MAN1C1: variants seen among roughly 807,000 people sequenced by gnomAD.
MAN1C1 encodes the protein mannosyl-oligosaccharide 1,2-alpha-mannosidase IC.
MAN1C1 carries 49 observed loss-of-function variants against 71.5 expected under a neutral mutation model. The observed-to-expected ratio is 0.69, with a 90% CI of 0.54 to 0.87. MAN1C1 has a LOEUF of 0.87. Ranked by LOEUF, MAN1C1 falls within the 40% of genes least tolerant of loss-of-function variation. MAN1C1 has a pLI of 0.00. For missense variants in MAN1C1, 743 were observed against 835.0 expected (o/e 0.89, Z 1.36); for synonymous variants, 352 against 343.7 (o/e 1.02, Z -0.27).
chr1:25,675,169 C>T (rs889250044), intron 1 of MAN1C1, among the ~76,000 whole-genome samples: 2 of 152,016 alleles, frequency 1.3e-5, no homozygotes, highest in African/African-American at 4.8e-5. Context: ...CTGAGATTTT[C>T]GTGCACCTGT....
At position 25,725,379 on chromosome 1, in the gene MAN1C1, G is replaced by A. The variant is rs1421403340; in HGVS notation, c.638-21289G>A. Among the ~76,000 whole-genome samples, 2 of 152,232 alleles carry A rather than the reference G, an allele frequency of 1.3e-5. No individual in the cohort carries two copies. Among genetic ancestry groups the A allele is most frequent in the African/African-American group, 4.8e-5 (2 of 41,452 alleles). ...CTCTTCTTAGAGGAGGGATTCACACGTAATTATGTGGTCAAAGTGCTACGG... is the reference window on the plus strand; with the variant it reads ...CTCTTCTTAGAGGAGGGATTCACACATAATTATGTGGTCAAAGTGCTACGG... On this transcript the variant is annotated intron_variant, in intron 2 of 11. Transcript: ENST00000374332. The surrounding 1 kb of genome is among the most constrained non-coding windows in gnomAD (Gnocchi z 4.8).
chr1:25,626,784 C>T (rs1290836514), intron 1 of MAN1C1, among the ~76,000 whole-genome samples: 1 of 152,126 alleles, frequency 6.6e-6, no homozygotes, highest in African/African-American at 2.4e-5. Context: ...ATTCTAGATA[C>T]AAGTTCTTTA....
chr1:25,641,115 G>A (rs1466433110), intron 1 of MAN1C1, among the ~76,000 whole-genome samples: 1 of 152,224 alleles, frequency 6.6e-6, no homozygotes, highest in Non-Finnish European at 1.5e-5. Context: ...CTGCTTTGAA[G>A]GGTAGTCGGG....
At chr1:25,637,347 T>C (rs1345710824) in intron 1 of MAN1C1, among the ~76,000 whole-genome samples, 2 of 152,248 alleles carry the variant, frequency 1.3e-5, no homozygotes, top group East Asian at 3.9e-4. Context: ...ATAGGGACTC[T>C]TTGATTTGGG....
intron 2 of MAN1C1, among the ~76,000 whole-genome samples, chr1:25,741,642 A>G (rs1299825596): frequency 6.6e-6 from 1 of 152,064 alleles, no homozygotes; most frequent in Non-Finnish European, 1.5e-5. Context: ...GGGGAGGTGG[A>G]GGTGCACAGT....
chr1:25,777,875 G>A (rs12134121), intron 8 of MAN1C1, among the ~76,000 whole-genome samples: 3 of 152,148 alleles, frequency 2.0e-5, no homozygotes, highest in Non-Finnish European at 4.4e-5. Context: ...TAAGAGACTT[G>A]CCCTGGGGAG....
chr1:25,729,837 C>T (rs2046886122), intron 2 of MAN1C1, among the ~76,000 whole-genome samples: 1 of 152,130 alleles, frequency 6.6e-6, no homozygotes, highest in Admixed American at 6.6e-5. Flanking sequence ...GATGAGGAAC[C>T]CAGGTCTGTG....
intron 2 of MAN1C1, among the ~76,000 whole-genome samples, chr1:25,709,145 T>A (rs2046568143): frequency 6.6e-6 from 1 of 151,386 alleles, no homozygotes. Flanking sequence ...AGGGAGAGAG[T>A]AGGTTTTCCT....
At chr1:25,618,885 G>C (rs1205567150) in intron 1 of MAN1C1, among the ~76,000 whole-genome samples, 1 of 152,116 alleles carries the variant, frequency 6.6e-6, no homozygotes, top group African/African-American at 2.4e-5. Context: ...AGGATGTTGT[G>C]CATTCTGTTT....
Position 25,617,611 on chromosome 1 carries a change from C to T in MAN1C1, c.-187C>T. On this transcript the variant is annotated 5_prime_UTR_variant, in exon 1 of 12. Transcript: ENST00000374332. This position sits in a 1 kb window ranked among gnomAD's most constrained non-coding sequence, Gnocchi z 5.1. ...AGGCCGCTGCGCCCCCGCCTCCTCG[C>T]GGGAGGACTCGCTCCAAACTCCCTG... The T allele has an allele frequency of 1.9e-6, 1 of 523,062 alleles. No homozygotes were observed. The allele number at this position is 523,062 out of a possible 1,614,324, so 32.4% of individuals were successfully genotyped here.
chr1:25,744,691 C>T (rs2047104689), intron 2 of MAN1C1, among the ~76,000 whole-genome samples: 1 of 152,160 alleles, frequency 6.6e-6, no homozygotes, highest in Admixed American at 6.5e-5. Context: ...CCTTGCCCAG[C>T]CTAGAGAGGT....
chr1:25,763,019 G>A (rs552909811), intron 6 of MAN1C1, among the ~76,000 whole-genome samples: 1 of 152,164 alleles, frequency 6.6e-6, no homozygotes, highest in South Asian at 2.1e-4. Context: ...TATAATCCCA[G>A]CACTTTGGGA....
chr1:25,727,949 GA>G (rs1422331760), intron 2 of MAN1C1, among the ~76,000 whole-genome samples: 1 of 152,242 alleles, frequency 6.6e-6, no homozygotes, highest in Admixed American at 6.5e-5. Context: ...TGCCATGTCT[GA>G]AAAATCAGGC....
At chr1:25,759,801 A>T (rs896516877) in intron 6 of MAN1C1, 19 of 152,178 alleles carry the variant, frequency 1.2e-4, no homozygotes, top group African/African-American at 4.6e-4. Context: ...GTCCTTAAGA[A>T]GCTCAAGAAG....
intron 1 of MAN1C1, among the ~76,000 whole-genome samples, chr1:25,624,998 A>ATTTTTTTTTTT (rs1032269792): frequency 9.8e-6 from 1 of 101,602 alleles, no homozygotes; most frequent in African/African-American, 4.5e-5. Flanking sequence ...AAATGCACAG[A>ATTTTTTTTTTT]TTTTTTTTTT....
intron 1 of MAN1C1, among the ~76,000 whole-genome samples, chr1:25,619,734 G>A (rs2045177449): frequency 6.6e-6 from 1 of 152,170 alleles, no homozygotes. Flanking sequence ...TAAGTAAGGG[G>A]CATTCATTTC....
chr1:25,714,922 T>A (rs2046660492), intron 2 of MAN1C1, among the ~76,000 whole-genome samples: 1 of 152,188 alleles, frequency 6.6e-6, no homozygotes, highest in Admixed American at 6.5e-5. Context: ...CTCTCCAGTT[T>A]GCAAGATGCA....
At chr1:25,740,893 C>T (rs1351674664) in intron 2 of MAN1C1, among the ~76,000 whole-genome samples, 1 of 151,834 alleles carries the variant, frequency 6.6e-6, no homozygotes, top group Non-Finnish European at 1.5e-5. Context: ...GGCAGTAGCA[C>T]GGAGAAGGTG....
intron 2 of MAN1C1, among the ~76,000 whole-genome samples, chr1:25,687,437 C>A (rs76656855): frequency 1.3e-5 from 2 of 152,288 alleles, no homozygotes; most frequent in South Asian, 4.2e-4. Flanking sequence ...GCCTCCATCT[C>A]CCCTGAGGGA....
Sources: allele counts gnomAD v4.1 joint callset (sites outside exome capture counted in the v4.1 genomes callset), GRCh38; gene constraint gnomAD v4.1.1; non-coding constraint Gnocchi (gnomAD v3.1); transcripts MANE v1.5; gene names NCBI Gene and HGNC (gene_info 2026-07-23, HGNC 2026-07-21).